SPIDR: variants seen among roughly 807,000 people sequenced by gnomAD.
SPIDR encodes scaffold protein involved in DNA repair.
SPIDR carries 93 observed loss-of-function variants against 104.6 expected under a neutral mutation model. The observed-to-expected ratio is 0.89, with a 90% CI of 0.75 to 1.06. SPIDR has a LOEUF of 1.06. Ranked by LOEUF, SPIDR falls within the 50% of genes least tolerant of loss-of-function variation. The probability of loss-of-function intolerance (pLI) is 0.00; values close to 1 mark genes in which losing one functional copy is unlikely to be tolerated. For missense variants in SPIDR, 1,154 were observed against 1,111.2 expected (o/e 1.04, Z -0.55); for synonymous variants, 431 against 416.9 (o/e 1.03, Z -0.41).
Position 47,661,434 on chromosome 8 carries a change from A to C in SPIDR, c.1545-12367A>C, listed in dbSNP as rs193185614. Among the ~76,000 whole-genome samples, 5 of 152,368 alleles carry C rather than the reference A, an allele frequency of 3.3e-5. No homozygotes were observed. In the East Asian group the frequency reaches 9.6e-4, roughly 29 times the overall value. On this transcript the variant is annotated intron_variant, in intron 10 of 19. Coordinates refer to ENST00000297423, the MANE Select transcript of SPIDR (RefSeq NM_001080394.4). ...TCGCTAGCAGCGGAGAGTGTGGTGTACTGGATGCATACCTTTGCCTTGGCA... is the reference window on the plus strand; with the variant it reads ...TCGCTAGCAGCGGAGAGTGTGGTGTCCTGGATGCATACCTTTGCCTTGGCA...
intron 8 of SPIDR, among the ~76,000 whole-genome samples, chr8:47,457,065 A>G (rs1554710262): frequency 6.6e-6 from 1 of 152,178 alleles, no homozygotes; most frequent in African/African-American, 2.4e-5. Context: ...CACTATAAAC[A>G]TGCATGTGCC....
chr8:47,294,800 G>A (rs1249582448), intron 5 of SPIDR, among the ~76,000 whole-genome samples: 7 of 151,996 alleles, frequency 4.6e-5, no homozygotes, highest in Admixed American at 4.6e-4. Flanking sequence ...CTGGCTAATT[G>A]TTGTATTTTT....
intron 8 of SPIDR, among the ~76,000 whole-genome samples, chr8:47,590,147 C>T (rs1260471618): frequency 6.6e-6 from 1 of 151,206 alleles, no homozygotes; most frequent in Non-Finnish European, 1.5e-5. Context: ...GCACTCCAGC[C>T]CAGGTGACAG....
intron 10 of SPIDR, among the ~76,000 whole-genome samples, chr8:47,627,490 A>T (rs1017435745): frequency 3.3e-5 from 5 of 152,212 alleles, no homozygotes; most frequent in African/African-American, 1.2e-4. Context: ...TGAATATTTG[A>T]TAAGGCATTA....
At chr8:47,379,607 G>A (rs1168716283) in intron 5 of SPIDR, among the ~76,000 whole-genome samples, 2 of 152,298 alleles carry the variant, frequency 1.3e-5, no homozygotes, top group East Asian at 3.9e-4. Context: ...GCTCCATGAG[G>A]TACAGTGAAA....
chr8:47,505,437 T>G (rs1022124510), intron 8 of SPIDR, among the ~76,000 whole-genome samples: 2 of 152,170 alleles, frequency 1.3e-5, no homozygotes, highest in African/African-American at 4.8e-5. Flanking sequence ...CTCCAAGCCA[T>G]GTGCGGGATA....
intron 11 of SPIDR, among the ~76,000 whole-genome samples, chr8:47,699,019 A>G (rs915670028): frequency 2.6e-5 from 4 of 152,210 alleles, no homozygotes; most frequent in East Asian, 3.8e-4. Flanking sequence ...TTATTTTTCT[A>G]TACTGTATAA....
intron 11 of SPIDR, among the ~76,000 whole-genome samples, chr8:47,691,855 C>T (rs907172284): frequency 6.6e-6 from 1 of 152,196 alleles, no homozygotes; most frequent in Non-Finnish European, 1.5e-5. Context: ...CGCAACCACT[C>T]CAAAAGTAGA....
chr8:47,456,895 A>G (rs1450821738), intron 8 of SPIDR, among the ~76,000 whole-genome samples: 1 of 152,170 alleles, frequency 6.6e-6, no homozygotes, highest in Non-Finnish European at 1.5e-5. Flanking sequence ...TAGAATAAAA[A>G]TCTCCAATCC....
chr8:47,501,650 G>A (rs1332633952), intron 8 of SPIDR, among the ~76,000 whole-genome samples: 2 of 152,124 alleles, frequency 1.3e-5, no homozygotes, highest in Non-Finnish European at 1.5e-5. Context: ...TCTCCTGCCT[G>A]ATTGCCCTGG....
At chr8:47,421,797 T>G (rs1276042777) in intron 7 of SPIDR, among the ~76,000 whole-genome samples, 1 of 152,188 alleles carries the variant, frequency 6.6e-6, no homozygotes, top group Non-Finnish European at 1.5e-5. Flanking sequence ...TGGTGTGGAT[T>G]TCCTTTTCTG....
chr8:47,582,581 A>G (rs1025484158), intron 8 of SPIDR, among the ~76,000 whole-genome samples: 2 of 152,166 alleles, frequency 1.3e-5, no homozygotes, highest in Non-Finnish European at 2.9e-5. Flanking sequence ...TAACATTCTC[A>G]GGTGAGAAGT....
chr8:47,431,530 C>T (rs1418810445), intron 7 of SPIDR, among the ~76,000 whole-genome samples: 1 of 152,284 alleles, frequency 6.6e-6, no homozygotes, highest in South Asian at 2.1e-4. Flanking sequence ...TGAGTCACAG[C>T]GACATGCCTA....
intron 5 of SPIDR, among the ~76,000 whole-genome samples, chr8:47,323,207 T>A (rs1275067516): frequency 6.6e-6 from 1 of 152,198 alleles, no homozygotes; most frequent in Non-Finnish European, 1.5e-5. Flanking sequence ...ATGTATATAT[T>A]GGTTTTTGCT....
intron 16 of SPIDR, among the ~76,000 whole-genome samples, chr8:47,721,293 G>C (rs2083354384): frequency 6.6e-6 from 1 of 152,078 alleles, no homozygotes; most frequent in Admixed American, 6.5e-5. Context: ...TCTATGTCTA[G>C]ATTCATTTTT....
At position 47,603,462 on chromosome 8, in the gene SPIDR, T is replaced by C. The variant is rs557782577; in HGVS notation, c.1544+4266T>C. ...AGGCTGGAGTGCAGTGGAGCAATCA[T>C]GGCTTACTGCAGCCTCAACCTCCTG... On this transcript the variant is annotated intron_variant, in intron 10 of 19. Coordinates refer to ENST00000297423, the MANE Select transcript of SPIDR (RefSeq NM_001080394.4). Among the ~76,000 whole-genome samples, 32 of 152,242 alleles carry C rather than the reference T, an allele frequency of 2.1e-4. 1 individual carries two copies. In the South Asian group the frequency reaches 5.8e-3, roughly 28 times the overall value.
At chr8:47,397,765 G>A (rs1240582291) in intron 6 of SPIDR, among the ~76,000 whole-genome samples, 1 of 152,180 alleles carries the variant, frequency 6.6e-6, no homozygotes, top group Non-Finnish European at 1.5e-5. Flanking sequence ...TGGGAACTGG[G>A]ACCCAGGCAG....
intron 1 of SPIDR, among the ~76,000 whole-genome samples, chr8:47,273,646 T>C (rs1021184788): frequency 1.3e-5 from 2 of 151,298 alleles, no homozygotes; most frequent in Non-Finnish European, 2.9e-5. Context: ...CAGGCTGGAG[T>C]GCAGTAGCTT....
chr8:47,302,417 G>C (rs1287308877), intron 5 of SPIDR, among the ~76,000 whole-genome samples: 6 of 152,064 alleles, frequency 3.9e-5, no homozygotes, highest in African/African-American at 1.4e-4. Context: ...GGAGTAGTTT[G>C]ATCGTCTGAA....
Sources: gnomAD v4.1 joint callset for allele counts (sites outside exome capture counted in the v4.1 genomes callset) on GRCh38, gnomAD v4.1.1 for gene constraint, MANE v1.5 for transcripts, NCBI Gene and HGNC (gene_info 2026-07-23, HGNC 2026-07-21) for gene names.